The following DAB1 variants were observed in gnomAD, a reference collection of about 807,000 sequenced individuals.
The protein encoded by DAB1 is DAB adaptor protein 1.
Under a neutral mutation model 64.6 loss-of-function variants are expected in DAB1, and 15 were observed. That is an observed-to-expected ratio of 0.23 (90% CI 0.16 to 0.36). The LOEUF is 0.36. DAB1 is among the 10% of genes least tolerant of loss of function. DAB1 has a pLI of 1.00. For missense variants in DAB1, 596 were observed against 706.7 expected, an observed-to-expected ratio of 0.84 and a Z score of 1.78; for synonymous variants, 235 against 251.9, an observed-to-expected ratio of 0.93 and a Z score of 0.64.
intron 3 of DAB1, among the ~76,000 whole-genome samples, chr1:58,393,951 C>T (rs900261299): frequency 3.9e-5 from 6 of 151,982 alleles, no homozygotes; most frequent in Non-Finnish European, 7.4e-5. Flanking sequence ...ATTATGTAAA[C>T]GTATTTCAAA....
intron 9 of DAB1, among the ~76,000 whole-genome samples, chr1:57,026,676 G>T (rs1646799838): frequency 2.0e-5 from 3 of 152,098 alleles, no homozygotes; most frequent in Admixed American, 2.0e-4. Flanking sequence ...TGGAGGAAAA[G>T]AAAACATTTC....
chr1:58,120,091 T>C (rs1211502474), intron 5 of DAB1, among the ~76,000 whole-genome samples: 1 of 152,178 alleles, frequency 6.6e-6, no homozygotes, highest in Non-Finnish European at 1.5e-5. Flanking sequence ...TCAGGCATTT[T>C]GTCCTGCAGA....
At chr1:58,506,821 C>T (rs1034164338) in intron 2 of DAB1, among the ~76,000 whole-genome samples, 2 of 152,102 alleles carry the variant, frequency 1.3e-5, no homozygotes, top group African/African-American at 4.8e-5. Context: ...CCAATTTTCT[C>T]AATGTATATG....
chr1:57,194,347 G>A (rs1569846638), intron 2 of DAB1, among the ~76,000 whole-genome samples: 1 of 152,182 alleles, frequency 6.6e-6, no homozygotes, highest in South Asian at 2.1e-4. Context: ...GTTTAGTGAG[G>A]CCTGAGTGAT....
intron 1 of DAB1, among the ~76,000 whole-genome samples, chr1:57,419,429 A>G (rs1011394907): frequency 1.3e-5 from 2 of 151,956 alleles, no homozygotes; most frequent in Non-Finnish European, 2.9e-5. Flanking sequence ...AAATTTTAAC[A>G]TGATGTGTAC....
intron 14 of DAB1, among the ~76,000 whole-genome samples, chr1:57,001,814 T>C (rs1645879427): frequency 6.6e-6 from 1 of 152,218 alleles, no homozygotes; most frequent in Non-Finnish European, 1.5e-5. Flanking sequence ...CTTTAAGACC[T>C]AGCTGAAATA....
chr1:58,533,806 T>C (rs1569967221), intron 1 of DAB1: 1 of 614,946 alleles, frequency 1.6e-6, no homozygotes, highest in Non-Finnish European at 2.9e-6. Flanking sequence ...CAATCACGTT[T>C]TTTTCAGGTA....
At chr1:57,117,162 T>C (rs1656211008) in intron 4 of DAB1, among the ~76,000 whole-genome samples, 1 of 152,238 alleles carries the variant, frequency 6.6e-6, no homozygotes, top group Non-Finnish European at 1.5e-5. Context: ...AAGCTGGAAC[T>C]CTTGCAGTGA....
chr1:58,118,469 C>CAT (rs370100684), intron 5 of DAB1, among the ~76,000 whole-genome samples: 2,871 of 21,912 alleles, frequency 0.13, 261 homozygotes, highest in Non-Finnish European at 0.17. Flanking sequence ...TATCCTAAGG[C>CAT]ATATATATAT....
At chr1:57,916,397 G>C (rs1381311590) in intron 5 of DAB1, among the ~76,000 whole-genome samples, 1 of 152,160 alleles carries the variant, frequency 6.6e-6, no homozygotes, top group African/African-American at 2.4e-5. Context: ...ATTTCTTCAT[G>C]TTCAAAAACC....
intron 7 of DAB1, among the ~76,000 whole-genome samples, chr1:57,451,368 C>G (rs1686352710): frequency 1.3e-5 from 2 of 152,164 alleles, no homozygotes; most frequent in Admixed American, 1.3e-4. Flanking sequence ...CTATCACATC[C>G]TGCTGGTTTA....
chr1:57,886,024 A>T (rs1405601856), upstream of DAB1, among the ~76,000 whole-genome samples: 2 of 152,176 alleles, frequency 1.3e-5, no homozygotes, highest in Non-Finnish European at 1.5e-5. Context: ...TTACTTTTTT[A>T]AAAAACATAA....
At chr1:57,713,981 TG>T (rs1350954406) in intron 6 of DAB1, among the ~76,000 whole-genome samples, 2 of 152,310 alleles carry the variant, frequency 1.3e-5, no homozygotes, top group African/African-American at 4.8e-5. Flanking sequence ...CCTAAGCACC[TG>T]TTATATGTCA....
intron 4 of DAB1, among the ~76,000 whole-genome samples, chr1:57,116,242 T>C (rs930054050): frequency 6.6e-6 from 1 of 151,370 alleles, no homozygotes. Flanking sequence ...GGCAGGTGGA[T>C]CACAAGTTCA....
Position 57,015,001 on chromosome 1 carries a change from G to A in DAB1, c.1326C>T (p.Ala442=), listed in dbSNP as rs1410473202. 2 of 1,614,206 alleles carry A rather than the reference G, an allele frequency of 1.2e-6. No individual in the cohort carries two copies. The highest frequency in any genetic ancestry group is 1.7e-6 in the Non-Finnish European group (2 of 1,180,046). ...DQPSLTCTSE[A]FSSYFNKVGV... ...CGACTTTGTTGAAGTAACTGGAGAAGGCCTCTGAGGTACAGGTGAGGGAGG... is the reference window on the plus strand; with the variant it reads ...CGACTTTGTTGAAGTAACTGGAGAAAGCCTCTGAGGTACAGGTGAGGGAGG... The change falls in exon 12 of 15, where the codon GCC becomes GCT. Residue 442 remains alanine (A), a synonymous_variant. Coordinates refer to ENST00000371236, the MANE Select transcript of DAB1 (RefSeq NM_001365792.1).
chr1:57,925,175 A>T (rs912199054), intron 5 of DAB1, among the ~76,000 whole-genome samples: 1 of 152,212 alleles, frequency 6.6e-6, no homozygotes, highest in African/African-American at 2.4e-5. Context: ...TACTGCAAAA[A>T]TTAACCTATG....
intron 4 of DAB1, among the ~76,000 whole-genome samples, chr1:58,199,545 G>T (rs74074998): frequency 0.27 from 40,374 of 151,990 alleles, 5,665 homozygotes; most frequent in East Asian, 0.37. Context: ...GAGGATTAAA[G>T]TAGTTTAACA....
At chr1:57,036,803 T>C (rs936855831) in intron 9 of DAB1, among the ~76,000 whole-genome samples, 1 of 152,228 alleles carries the variant, frequency 6.6e-6, no homozygotes, top group Non-Finnish European at 1.5e-5. Context: ...CATTAAAACA[T>C]GGAAATAAAG....
At chr1:57,030,033 C>T (rs931000135) in intron 9 of DAB1, among the ~76,000 whole-genome samples, 18 of 152,162 alleles carry the variant, frequency 1.2e-4, no homozygotes, top group Admixed American at 1.0e-3. Context: ...GCTGTGTCCC[C>T]ACCCAAATCT....
Sources: allele counts gnomAD v4.1 joint callset (sites outside exome capture counted in the v4.1 genomes callset), GRCh38; gene constraint gnomAD v4.1.1; transcripts MANE v1.5; gene names NCBI Gene and HGNC (gene_info 2026-07-23, HGNC 2026-07-21).